The following TENM3 variants were observed in gnomAD, a reference collection of about 807,000 sequenced individuals.
The protein encoded by TENM3 is teneurin transmembrane protein 3.
Under a neutral mutation model 255.1 loss-of-function variants are expected in TENM3, and 63 were observed. The observed-to-expected ratio is 0.25, with a 90% confidence interval of 0.20 to 0.30. The LOEUF (loss-of-function observed/expected upper bound fraction) is 0.30. TENM3 is among the 10% of genes least tolerant of loss of function. The pLI, the probability that TENM3 is intolerant of heterozygous loss-of-function variation, is 1.00. For synonymous variants in TENM3, 1,306 were observed against 1,322.3 expected (o/e 0.99, Z 0.27); for missense variants, 2,929 against 3,461.1 (o/e 0.85, Z 3.86).
intron 1 of TENM3, among the ~76,000 whole-genome samples, chr4:182,262,774 C>T (rs1199016145): frequency 2.1e-5 from 3 of 145,478 alleles, no homozygotes; most frequent in Non-Finnish European, 1.5e-5. Context: ...AATGCAGTGG[C>T]CTGATCTCAG....
At chr4:181,952,550 A>C in the TENM3 span, among the ~76,000 whole-genome samples, 1 of 152,216 alleles carries the variant, frequency 6.6e-6, no homozygotes, top group South Asian at 2.1e-4. Context: ...CAATATTCGG[A>C]AGGGAAGAAA....
At chr4:181,998,348 A>G in the TENM3 span, among the ~76,000 whole-genome samples, 1 of 152,186 alleles carries the variant, frequency 6.6e-6, no homozygotes, top group Admixed American at 6.5e-5. Context: ...ACGCTGAAAC[A>G]AGTGAAAGAA....
At chr4:181,518,902 G>T in the TENM3 span, among the ~76,000 whole-genome samples, 60 of 152,250 alleles carry the variant, frequency 3.9e-4, no homozygotes, top group Non-Finnish European at 7.5e-4. Context: ...AAAGCACCTG[G>T]GTTCTAATTG....
chr4:181,997,722 G>A, the TENM3 span, among the ~76,000 whole-genome samples: 162 of 152,282 alleles, frequency 1.1e-3, no homozygotes, highest in East Asian at 7.2e-3. Flanking sequence ...AATGTACATC[G>A]TCAGCTCTAT....
chr4:182,519,685 C>T (rs756274035), intron 3 of TENM3, among the ~76,000 whole-genome samples: 2 of 152,182 alleles, frequency 1.3e-5, no homozygotes, highest in Middle Eastern at 3.4e-3. Flanking sequence ...TCTTCAAAAA[C>T]CTTTACAAGA....
At chr4:181,741,186 CA>C in the TENM3 span, among the ~76,000 whole-genome samples, 1 of 152,150 alleles carries the variant, frequency 6.6e-6, no homozygotes, top group Admixed American at 6.6e-5. Context: ...TCAATAATAA[CA>C]TTTCTGTTTT....
the TENM3 span, among the ~76,000 whole-genome samples, chr4:181,934,075 T>TGTGTGCGC: frequency 6.8e-6 from 1 of 147,990 alleles, no homozygotes; most frequent in African/African-American, 2.5e-5. Flanking sequence ...TGTGTGTGTG[T>TGTGTGCGC]GCGCGCGCTT....
At chr4:181,729,316 A>C in the TENM3 span, among the ~76,000 whole-genome samples, 153 of 152,316 alleles carry the variant, frequency 1.0e-3, no homozygotes, top group African/African-American at 3.6e-3. Flanking sequence ...GGGGAATGAC[A>C]TGACTGTCGT....
the TENM3 span, among the ~76,000 whole-genome samples, chr4:181,455,585 T>C: frequency 3.3e-5 from 5 of 152,060 alleles, no homozygotes; most frequent in African/African-American, 1.2e-4. Context: ...TGAGCAAAAC[T>C]TCAGTCTTTT....
intron 6 of TENM3, among the ~76,000 whole-genome samples, chr4:182,659,461 T>A (rs1754033156): frequency 6.6e-6 from 1 of 152,116 alleles, no homozygotes; most frequent in African/African-American, 2.4e-5. Context: ...ATATATAGGG[T>A]TTGATATTAT....
intron 4 of TENM3, among the ~76,000 whole-genome samples, chr4:182,618,464 G>T (rs533579309): frequency 6.6e-6 from 1 of 152,030 alleles, no homozygotes; most frequent in African/African-American, 2.4e-5. Context: ...TATTACATAT[G>T]ATATAGAAAA....
At chr4:182,269,989 G>C (rs1250601927) in intron 1 of TENM3, among the ~76,000 whole-genome samples, 1 of 152,174 alleles carries the variant, frequency 6.6e-6, no homozygotes, top group Non-Finnish European at 1.5e-5. Context: ...AGGAGCATTG[G>C]GGGCTTACAG....
chr4:181,626,642 C>G, the TENM3 span, among the ~76,000 whole-genome samples: 101 of 152,200 alleles, frequency 6.6e-4, no homozygotes, highest in African/African-American at 2.3e-3. Flanking sequence ...CACTCATTAC[C>G]ATGGGAATGG....
chr4:182,258,165 A>C (rs1758546272), intron 1 of TENM3, among the ~76,000 whole-genome samples: 1 of 152,138 alleles, frequency 6.6e-6, no homozygotes, highest in East Asian at 1.9e-4. Context: ...CTTTTTATGC[A>C]TTTACAAACA....
the TENM3 span, among the ~76,000 whole-genome samples, chr4:181,855,940 GAAGA>G: frequency 1.4e-5 from 2 of 142,388 alleles, no homozygotes; most frequent in African/African-American, 5.2e-5. Context: ...AGGGAAGGAA[GAAGA>G]AAGAAGGAAG....
At chr4:181,558,795 T>G in the TENM3 span, among the ~76,000 whole-genome samples, 1 of 152,228 alleles carries the variant, frequency 6.6e-6, no homozygotes, top group Non-Finnish European at 1.5e-5. Context: ...TTAATCAAAT[T>G]TTATGGTTAA....
chr4:181,780,250 C>T, the TENM3 span, among the ~76,000 whole-genome samples: 9 of 152,164 alleles, frequency 5.9e-5, no homozygotes, highest in African/African-American at 2.2e-4. Context: ...TACAGTCCCA[C>T]CAACAGTGTA....
chr4:182,789,463 G>T lies in TENM3; in HGVS notation c.5601+74G>T. On this transcript the variant is annotated intron_variant, in intron 25 of 27. Coordinates refer to ENST00000511685, the MANE Select transcript of TENM3 (RefSeq NM_001080477.4). The surrounding 1 kb of genome is among the most constrained non-coding windows in gnomAD (Gnocchi z 4.4). ...TTTCAGCAATCATCCAGAGCACTAA[G>T]GGGAAAAAAAACAGTGGCACATGAC... 1 of 1,409,146 alleles carries T rather than the reference G, an allele frequency of 7.1e-7. No individual in the cohort carries two copies. The highest frequency in any genetic ancestry group is 1.4e-5 in the South Asian group (1 of 70,324). 87.3% of individuals were successfully genotyped at this position (1,409,146 alleles called of 1,614,324 possible). A position where few individuals can be genotyped will look rare whatever the true frequency, so the allele number is the denominator to read the frequency against.
intron 4 of TENM3, among the ~76,000 whole-genome samples, chr4:182,605,484 T>TAAAA (rs756985870): frequency 2.6e-5 from 3 of 114,694 alleles, no homozygotes; most frequent in East Asian, 2.0e-4. Flanking sequence ...CATCATTTAT[T>TAAAA]TAAAAAAAAA....
Sources: allele counts gnomAD v4.1 joint callset (sites outside exome capture counted in the v4.1 genomes callset), GRCh38; gene constraint gnomAD v4.1.1; non-coding constraint Gnocchi (gnomAD v3.1); transcripts MANE v1.5; gene names NCBI Gene and HGNC (gene_info 2026-07-23, HGNC 2026-07-21).